FBXL7: variants seen among roughly 807,000 people sequenced by gnomAD.
The protein encoded by FBXL7 is F-box/LRR-repeat protein 7.
FBXL7 carries 12 observed loss-of-function variants against 38.3 expected under a neutral mutation model. That is an observed-to-expected ratio of 0.31 (90% confidence interval 0.20 to 0.51). The LOEUF is 0.51. Ranked by LOEUF, FBXL7 falls within the 20% of genes least tolerant of loss-of-function variation. The pLI is 0.98. For missense variants in FBXL7, 567 were observed against 676.4 expected (o/e 0.84, Z 1.79); for synonymous variants, 297 against 300.9 (o/e 0.99, Z 0.13).
At chr5:15,605,769 A>T (rs1352746113) in intron 1 of FBXL7, among the ~76,000 whole-genome samples, 1 of 152,196 alleles carries the variant, frequency 6.6e-6, no homozygotes, top group Admixed American at 6.5e-5. Context: ...TAAAAAAATT[A>T]AAAATAGCAA....
At chr5:15,927,804 AAAAG>A in intron 2 of FBXL7, 82 bp from the exon 3 acceptor site, 1 of 1,043,970 alleles carries the variant, frequency 9.6e-7, no homozygotes, top group Non-Finnish European at 1.3e-6. Context: ...GAAAGAAAAG[AAAAG>A]AAAGAAACCA....
intron 2 of FBXL7, among the ~76,000 whole-genome samples, chr5:15,839,459 A>G (rs1738683102): frequency 6.6e-6 from 1 of 152,058 alleles, no homozygotes; most frequent in Non-Finnish European, 1.5e-5. Context: ...GGGGAACCAG[A>G]TTGTCATTAC....
At chr5:15,616,874 T>C (rs1221959947) in intron 2 of FBXL7, among the ~76,000 whole-genome samples, 2 of 152,238 alleles carry the variant, frequency 1.3e-5, no homozygotes, top group African/African-American at 4.8e-5. Context: ...ATCGACGCCA[T>C]TGATAATGAA....
chr5:15,864,280 T>C (rs574796848), intron 2 of FBXL7, among the ~76,000 whole-genome samples: 1 of 152,250 alleles, frequency 6.6e-6, no homozygotes, highest in East Asian at 1.9e-4. Context: ...TATTCCTTTA[T>C]AGCAACCCAA....
chr5:15,865,992 A>C (rs1440017436), intron 2 of FBXL7, among the ~76,000 whole-genome samples: 1 of 152,188 alleles, frequency 6.6e-6, no homozygotes, highest in Non-Finnish European at 1.5e-5. Context: ...TTAAGAGTAG[A>C]TCTCCTACCC....
intron 2 of FBXL7, among the ~76,000 whole-genome samples, chr5:15,695,686 C>T (rs1743311759): frequency 6.6e-6 from 1 of 152,112 alleles, no homozygotes; most frequent in Admixed American, 6.5e-5. Context: ...CTGTATCTTC[C>T]AACAAACTCT....
intron 2 of FBXL7, among the ~76,000 whole-genome samples, chr5:15,903,810 TC>T (rs1269875861): frequency 6.6e-6 from 1 of 152,190 alleles, no homozygotes; most frequent in Non-Finnish European, 1.5e-5. Context: ...TGCCATTAAT[TC>T]ATTCAAAGAA....
chr5:15,751,176 A>T (rs912715090), intron 2 of FBXL7, among the ~76,000 whole-genome samples: 1 of 152,192 alleles, frequency 6.6e-6, no homozygotes, highest in African/African-American at 2.4e-5. Context: ...CTTCTGTATA[A>T]TTGGGCTATC....
At chr5:15,927,785 A>AT in intron 2 of FBXL7, 105 bp from the exon 3 acceptor site, 1 of 801,036 alleles carries the variant, frequency 1.2e-6, no homozygotes, top group African/African-American at 2.6e-5. Context: ...AAAAAAAAAA[A>AT]AAGAAGAAGA....
intron 2 of FBXL7, among the ~76,000 whole-genome samples, chr5:15,681,291 G>A (rs1742834545): frequency 6.6e-6 from 1 of 152,178 alleles, no homozygotes; most frequent in Non-Finnish European, 1.5e-5. Flanking sequence ...GAATTATGCT[G>A]ATAATGTCAA....
chr5:15,917,185 T>C (rs1741605757), intron 2 of FBXL7, among the ~76,000 whole-genome samples: 2 of 152,200 alleles, frequency 1.3e-5, no homozygotes, highest in African/African-American at 4.8e-5. Context: ...GACATTCTGC[T>C]CTCATGATTT....
At position 15,673,395 on chromosome 5, in the gene FBXL7, C is replaced by T. The variant is rs527257608; in HGVS notation, c.127+57323C>T. 2.0e-4 allele frequency among the ~76,000 whole-genome samples: 30 copies of T among 151,906 alleles called. No individual in the cohort carries two copies. The South Asian group carries it at 4.4e-3, about 22-fold the overall frequency. On this transcript the variant is annotated intron_variant, in intron 2 of 3. Coordinates refer to ENST00000504595, the MANE Select transcript of FBXL7 (RefSeq NM_012304.5). ...ATCAGATTGAAAGTAATACTCTCAA[C>T]CCTATGGATGGCTTCTAGTGCTTTA... is the stretch of plus-strand genomic sequence containing the variant.
At chr5:15,554,830 G>A (rs1738183591) in intron 1 of FBXL7, among the ~76,000 whole-genome samples, 1 of 152,198 alleles carries the variant, frequency 6.6e-6, no homozygotes, top group African/African-American at 2.4e-5. Context: ...CTCATCTGTA[G>A]GAAGGTGATA....
chr5:15,775,558 A>C (rs967568497), intron 2 of FBXL7, among the ~76,000 whole-genome samples: 4 of 152,152 alleles, frequency 2.6e-5, no homozygotes, highest in African/African-American at 9.7e-5. Flanking sequence ...TCATTTTCTA[A>C]GGGATGGAAT....
At chr5:15,521,505 A>T (rs1263479478) in intron 1 of FBXL7, among the ~76,000 whole-genome samples, 2 of 152,220 alleles carry the variant, frequency 1.3e-5, no homozygotes, top group Non-Finnish European at 2.9e-5. Context: ...TTGGAACTGG[A>T]AGCTGCATTG....
intron 2 of FBXL7, among the ~76,000 whole-genome samples, chr5:15,672,837 G>T (rs1742524940): frequency 6.6e-6 from 1 of 152,070 alleles, no homozygotes; most frequent in Non-Finnish European, 1.5e-5. Flanking sequence ...TTACAGGCAT[G>T]AGCCACCACA....
intron 2 of FBXL7, among the ~76,000 whole-genome samples, chr5:15,619,057 A>T (rs1740540057): frequency 6.6e-6 from 1 of 152,144 alleles, no homozygotes; most frequent in South Asian, 2.1e-4. Context: ...CCTCTTTCCC[A>T]TGATTCTTCC....
chr5:15,666,035 C>T (rs1742263806), intron 2 of FBXL7, among the ~76,000 whole-genome samples: 1 of 152,224 alleles, frequency 6.6e-6, no homozygotes, highest in South Asian at 2.1e-4. Flanking sequence ...AACAGAGTTG[C>T]TGTCCCTTCC....
At chr5:15,805,408 A>T (rs1737682384) in intron 2 of FBXL7, among the ~76,000 whole-genome samples, 1 of 152,214 alleles carries the variant, frequency 6.6e-6, no homozygotes, top group South Asian at 2.1e-4. Flanking sequence ...CACTCTTTAA[A>T]TTGGGTTAAC....
Sources: allele counts gnomAD v4.1 joint callset (sites outside exome capture counted in the v4.1 genomes callset), GRCh38; gene constraint gnomAD v4.1.1; transcripts MANE v1.5; gene names NCBI Gene and HGNC (gene_info 2026-07-23, HGNC 2026-07-21).